The following ABTB3 variants were observed in gnomAD, a reference collection of about 807,000 sequenced individuals.
ABTB3 encodes the protein ankyrin repeat- and BTB/POZ domain-containing protein 3.
chr12:107,418,637 G>A, the ABTB3 span, among the ~76,000 whole-genome samples: 3 of 152,228 alleles, frequency 2.0e-5, no homozygotes, highest in Non-Finnish European at 4.4e-5. Context: ...ACAGCAGCAT[G>A]TTGCAGCCCA....
chr12:107,425,145 C>A, the ABTB3 span, among the ~76,000 whole-genome samples: 39 of 152,234 alleles, frequency 2.6e-4, no homozygotes, highest in African/African-American at 8.7e-4. Flanking sequence ...TATCTCTCGA[C>A]AGTCCACGGC....
the ABTB3 span, among the ~76,000 whole-genome samples, chr12:107,420,073 G>T: frequency 1.3e-5 from 2 of 152,308 alleles, no homozygotes; most frequent in South Asian, 2.1e-4. Context: ...GTGCACGTTG[G>T]AAAGATGGCC....
At chr12:107,610,156 G>C in the ABTB3 span, 1 of 1,613,400 alleles carries the variant, frequency 6.2e-7, no homozygotes, top group Non-Finnish European at 8.5e-7. Flanking sequence ...CTGGGAAGCC[G>C]CTGTACCCGC....
At chr12:107,512,620 G>C in the ABTB3 span, among the ~76,000 whole-genome samples, 1 of 152,158 alleles carries the variant, frequency 6.6e-6, no homozygotes, top group African/African-American at 2.4e-5. Flanking sequence ...GCAGAAAGTA[G>C]GGATTGAGTA....
chr12:107,354,912 A>G, the ABTB3 span, among the ~76,000 whole-genome samples: 1 of 152,100 alleles, frequency 6.6e-6, no homozygotes, highest in African/African-American at 2.4e-5. Flanking sequence ...GATGGCTGTA[A>G]CCATACATTA....
At chr12:107,355,995 CAT>C in the ABTB3 span, among the ~76,000 whole-genome samples, 1 of 152,204 alleles carries the variant, frequency 6.6e-6, no homozygotes, top group Non-Finnish European at 1.5e-5. Flanking sequence ...TCAGCAAAAA[CAT>C]GTCCCATTTT....
chr12:107,627,539 C>A, the ABTB3 span, among the ~76,000 whole-genome samples: 3 of 152,332 alleles, frequency 2.0e-5, no homozygotes, highest in South Asian at 6.2e-4. Flanking sequence ...TGTGAGGTCA[C>A]CCTGTCACTC....
the ABTB3 span, among the ~76,000 whole-genome samples, chr12:107,648,716 A>G: frequency 1.3e-5 from 2 of 152,136 alleles, no homozygotes; most frequent in African/African-American, 4.8e-5. Flanking sequence ...GTGGCATCCC[A>G]GAGTCACCCT....
the ABTB3 span, among the ~76,000 whole-genome samples, chr12:107,406,190 C>T: frequency 6.6e-6 from 1 of 152,220 alleles, no homozygotes; most frequent in Admixed American, 6.5e-5. Flanking sequence ...TATGGCTTCA[C>T]ATACGAAGTG....
the ABTB3 span, among the ~76,000 whole-genome samples, chr12:107,348,426 CAG>C: frequency 6.6e-6 from 1 of 152,078 alleles, no homozygotes; most frequent in Non-Finnish European, 1.5e-5. Flanking sequence ...GTGAAGAAAA[CAG>C]AAGCAGTCAG....
the ABTB3 span, among the ~76,000 whole-genome samples, chr12:107,342,125 C>A: frequency 1.3e-5 from 2 of 152,188 alleles, no homozygotes; most frequent in Non-Finnish European, 2.9e-5. Flanking sequence ...GAATTTTTGA[C>A]TTCTTGGTGA....
the ABTB3 span, among the ~76,000 whole-genome samples, chr12:107,566,431 T>C: frequency 6.6e-6 from 1 of 152,180 alleles, no homozygotes; most frequent in African/African-American, 2.4e-5. Context: ...GAAAGGGACT[T>C]GAGCCAGACT....
At chr12:107,528,218 G>C in the ABTB3 span, among the ~76,000 whole-genome samples, 1 of 152,128 alleles carries the variant, frequency 6.6e-6, no homozygotes, top group Non-Finnish European at 1.5e-5. Context: ...AGGTAGGTTA[G>C]AGTAGCATTT....
the ABTB3 span, among the ~76,000 whole-genome samples, chr12:107,527,437 A>G: frequency 6.6e-6 from 1 of 152,078 alleles, no homozygotes; most frequent in East Asian, 1.9e-4. Flanking sequence ...ATGCCCAGCT[A>G]ATTTTTGTAT....
At chr12:107,465,847 T>C in the ABTB3 span, among the ~76,000 whole-genome samples, 8 of 152,260 alleles carry the variant, frequency 5.3e-5, no homozygotes, top group South Asian at 1.5e-3. Flanking sequence ...CTCTCTCCTG[T>C]TACGTCTTTC....
At chr12:107,425,982 C>T in the ABTB3 span, among the ~76,000 whole-genome samples, 2 of 152,154 alleles carry the variant, frequency 1.3e-5, no homozygotes, top group Non-Finnish European at 2.9e-5. Flanking sequence ...TGGATCTGTT[C>T]TGCGGCTACA....
chr12:107,581,195 G>T, the ABTB3 span: 8 of 1,538,606 alleles, frequency 5.2e-6, no homozygotes, highest in Non-Finnish European at 7.0e-6. Flanking sequence ...GATCCGGGTG[G>T]CCGTGGCGCA....
the ABTB3 span, among the ~76,000 whole-genome samples, chr12:107,616,327 C>A: frequency 6.6e-6 from 1 of 152,194 alleles, no homozygotes; most frequent in Non-Finnish European, 1.5e-5. Flanking sequence ...GTGGCTCCCC[C>A]ATGGCCGTGC....
chr12:107,482,969 TTTCTTTCTTTCTTTCTTTCCTTCC>T, the ABTB3 span, among the ~76,000 whole-genome samples: 2,556 of 81,134 alleles, frequency 0.032, 86 homozygotes, highest in Middle Eastern at 0.074. Context: ...TCTTTCTTTC[TTTCTTTCTTTCTTTCTTTCCTTCC>T]TTCCTTCCTT....
Sources: gnomAD v4.1 joint callset for allele counts (sites outside exome capture counted in the v4.1 genomes callset) on GRCh38, gnomAD v4.1.1 for gene constraint, MANE v1.5 for transcripts, NCBI Gene and HGNC (gene_info 2026-07-23, HGNC 2026-07-21) for gene names.